Variants in SDK1 observed in about 807,000 individuals in gnomAD.
SDK1 encodes the protein sidekick cell adhesion molecule 1.
In SDK1, 157 loss-of-function variants were observed where a neutral mutation model predicts 245.5. The observed-to-expected ratio is 0.64, with a 90% CI of 0.56 to 0.73. The LOEUF (loss-of-function observed/expected upper bound fraction) is 0.73, where lower values mean the gene tolerates loss of function less well. Ranked by LOEUF, SDK1 falls within the 30% of genes least tolerant of loss-of-function variation. SDK1 has a pLI of 0.00. For missense variants in SDK1, 3,583 were observed against 3,002.3 expected (o/e 1.19, Z -4.52); for synonymous variants, 1,647 against 1,278.5 (o/e 1.29, Z -6.15).
chr7:3,359,458 A>G (rs932617677), intron 1 of SDK1, among the ~76,000 whole-genome samples: 1 of 152,220 alleles, frequency 6.6e-6, no homozygotes, highest in African/African-American at 2.4e-5. Context: ...GAACTGTACT[A>G]GCAGGCTATT....
At chr7:4,052,589 C>T (rs749682020) in intron 19 of SDK1, among the ~76,000 whole-genome samples, 5 of 151,928 alleles carry the variant, frequency 3.3e-5, no homozygotes, top group Non-Finnish European at 7.4e-5. Context: ...TAATAGTATA[C>T]AAAACTATGA....
At chr7:3,729,870 G>GA (rs1779127236) in intron 4 of SDK1, among the ~76,000 whole-genome samples, 1 of 152,046 alleles carries the variant, frequency 6.6e-6, no homozygotes, top group East Asian at 1.9e-4. Context: ...ATCAAGTGAA[G>GA]AACTGAGAAA....
At chr7:3,896,382 A>T (rs1211789850) in intron 5 of SDK1, among the ~76,000 whole-genome samples, 2 of 152,078 alleles carry the variant, frequency 1.3e-5, no homozygotes, top group Non-Finnish European at 2.9e-5. Flanking sequence ...GGCTGTCAGG[A>T]TTATGTTGCC....
intron 41 of SDK1, among the ~76,000 whole-genome samples, chr7:4,235,780 C>T (rs1216062057): frequency 2.0e-5 from 3 of 152,212 alleles, no homozygotes; most frequent in East Asian, 1.9e-4. Flanking sequence ...TGAGCTGGAC[C>T]GCACTGAGCT....
chr7:3,622,284 C>A (rs1451089859), intron 2 of SDK1, among the ~76,000 whole-genome samples: 5 of 152,132 alleles, frequency 3.3e-5, no homozygotes, highest in Non-Finnish European at 5.9e-5. Flanking sequence ...TCGACACCAC[C>A]AGCCTGGCAA....
Position 4,149,360 on chromosome 7 carries a change from C to T in SDK1, c.4522C>T (p.Pro1508Ser). 1 of 1,592,900 alleles carries T rather than the reference C, an allele frequency of 6.3e-7. No individual in the cohort carries two copies. Among genetic ancestry groups the T allele is most frequent in the Non-Finnish European group, 8.5e-7 (1 of 1,170,096 alleles). ...GGTCCCGGGCAGCGACGGGGCCTCC[C>T]CCATCCGGTACTTCACCATGCAGGT... ...QWVPGSDGASPIRYFTMQVRE... is the reference protein window; with the variant it reads ...QWVPGSDGASSIRYFTMQVRE... The change falls in exon 30 of 45, where the codon CCC becomes TCC. Residue 1508 changes from proline to serine, a missense_variant. Transcript: ENST00000404826.
intron 1 of SDK1, among the ~76,000 whole-genome samples, chr7:3,490,098 G>C (rs1241658619): frequency 6.6e-6 from 1 of 152,132 alleles, no homozygotes; most frequent in Non-Finnish European, 1.5e-5. Flanking sequence ...TTAGGCGTAG[G>C]TACCAATTAA....
chr7:3,322,541 A>G (rs1779843412), intron 1 of SDK1, among the ~76,000 whole-genome samples: 1 of 152,170 alleles, frequency 6.6e-6, no homozygotes, highest in Non-Finnish European at 1.5e-5. Flanking sequence ...TCACTTTTCA[A>G]GGAACCACCA....
chr7:3,328,558 T>G (rs1299091467), intron 1 of SDK1, among the ~76,000 whole-genome samples: 2 of 151,996 alleles, frequency 1.3e-5, no homozygotes, highest in Non-Finnish European at 2.9e-5. Flanking sequence ...AGCAGAAAAA[T>G]GTATTACATA....
At chr7:3,924,394 G>A (rs796975059) in intron 5 of SDK1, among the ~76,000 whole-genome samples, 1 of 152,166 alleles carries the variant, frequency 6.6e-6, no homozygotes, top group Non-Finnish European at 1.5e-5. Flanking sequence ...GATGGCACTG[G>A]ATGAGTGAAT....
chr7:4,163,857 G>T (rs1781327202), intron 32 of SDK1, among the ~76,000 whole-genome samples: 2 of 152,200 alleles, frequency 1.3e-5, no homozygotes, highest in South Asian at 4.1e-4. Flanking sequence ...ATATGACCAT[G>T]TTTGAGGTAT....
chr7:3,328,346 A>G (rs1197120790), intron 1 of SDK1, among the ~76,000 whole-genome samples: 1 of 152,096 alleles, frequency 6.6e-6, no homozygotes, highest in East Asian at 1.9e-4. Flanking sequence ...GAGCTCTTAC[A>G]ATTTGCTTTT....
chr7:4,099,665 C>A (rs1782407881), intron 22 of SDK1, among the ~76,000 whole-genome samples: 1 of 143,436 alleles, frequency 7.0e-6, no homozygotes, highest in Non-Finnish European at 1.5e-5. Context: ...GCCATCTCTC[C>A]AGGGCCAGCC....
At chr7:4,214,199 G>A (rs1784662022) in intron 38 of SDK1, among the ~76,000 whole-genome samples, 3 of 151,872 alleles carry the variant, frequency 2.0e-5, no homozygotes, top group South Asian at 4.1e-4. Flanking sequence ...GCTCCATGAT[G>A]GGCAGAAAGC....
At chr7:3,583,857 G>A (rs1003901109) in intron 1 of SDK1, among the ~76,000 whole-genome samples, 3 of 152,040 alleles carry the variant, frequency 2.0e-5, no homozygotes, top group East Asian at 1.9e-4. Flanking sequence ...TCAAGTGGAG[G>A]GAACAATAAG....
At chr7:4,031,730 A>T (rs964559579) in intron 17 of SDK1, among the ~76,000 whole-genome samples, 11 of 151,500 alleles carry the variant, frequency 7.3e-5, no homozygotes, top group African/African-American at 2.7e-4. Context: ...TATATCAATA[A>T]ATATACTGGA....
intron 4 of SDK1, among the ~76,000 whole-genome samples, chr7:3,661,866 C>T (rs1003893860): frequency 5.3e-5 from 8 of 152,032 alleles, no homozygotes; most frequent in Non-Finnish European, 7.4e-5. Flanking sequence ...GTAGTAATAA[C>T]ACCTGCCTCA....
intron 4 of SDK1, among the ~76,000 whole-genome samples, chr7:3,783,357 G>A (rs1426801264): frequency 6.6e-6 from 1 of 151,926 alleles, no homozygotes; most frequent in Non-Finnish European, 1.5e-5. Context: ...GTCCTCACCA[G>A]AGTAGTTAGG....
At chr7:3,387,102 C>T (rs955374916) in intron 1 of SDK1, among the ~76,000 whole-genome samples, 2 of 152,162 alleles carry the variant, frequency 1.3e-5, no homozygotes, top group African/African-American at 4.8e-5. Flanking sequence ...CGCCTCTGAA[C>T]CAGCCCCAAG....
Sources: gnomAD v4.1 joint callset for allele counts (sites outside exome capture counted in the v4.1 genomes callset) on GRCh38, gnomAD v4.1.1 for gene constraint, MANE v1.5 for transcripts, NCBI Gene and HGNC (gene_info 2026-07-23, HGNC 2026-07-21) for gene names.